Variants in LRMDA observed in about 807,000 individuals in gnomAD.
LRMDA encodes leucine-rich melanocyte differentiation-associated protein.
LRMDA carries 18 observed loss-of-function variants against 29.8 expected under a neutral mutation model. That is an observed-to-expected ratio of 0.60 (90% CI 0.42 to 0.90). LRMDA has a LOEUF of 0.90. Among genes scored for constraint, LRMDA ranks in the 40% least tolerant of loss-of-function variants. The pLI, the probability that LRMDA is intolerant of heterozygous loss-of-function variation, is 0.00. For synonymous variants in LRMDA, 125 were observed against 109.4 expected (o/e 1.14, Z -0.89); for missense variants, 273 against 273.9 (o/e 1.00, Z 0.02).
intron 6 of LRMDA, among the ~76,000 whole-genome samples, chr10:76,482,996 C>T (rs1004010132): frequency 6.6e-5 from 10 of 151,924 alleles, no homozygotes; most frequent in Non-Finnish European, 1.2e-4. Context: ...TGAAGTTGAA[C>T]ACTCTTTCAT....
rs373567909 is a variant in LRMDA at position 76,469,325 on chromosome 10, G to A, written c.602-87884G>A. ...CTGAGATGCAGAAGTTAAGTTCCTG[G>A]TGAGGTCAGCCAAGAAGTCAGAGAC... On this transcript the variant is annotated intron_variant, in intron 6 of 6. Coordinates refer to ENST00000611255, the MANE Select transcript of LRMDA (RefSeq NM_001305581.2). Among the ~76,000 whole-genome samples, 13 of 152,202 alleles carry A rather than the reference G, an allele frequency of 8.5e-5. 1 individual carries two copies. The highest frequency in any genetic ancestry group is 8.3e-4 in the South Asian group (4 of 4,814).
intron 6 of LRMDA, among the ~76,000 whole-genome samples, chr10:76,494,789 G>A (rs558162799): frequency 6.6e-6 from 1 of 151,792 alleles, no homozygotes; most frequent in African/African-American, 2.4e-5. Flanking sequence ...CACAATTTTG[G>A]TATGTTGTAT....
chr10:75,631,321 C>G (rs969959038), intron 2 of LRMDA, among the ~76,000 whole-genome samples: 3 of 152,048 alleles, frequency 2.0e-5, no homozygotes, highest in Admixed American at 2.0e-4. Flanking sequence ...AAAAGAACCC[C>G]AGCTTCTTTT....
chr10:76,214,878 A>G (rs1032612187), intron 5 of LRMDA, among the ~76,000 whole-genome samples: 3 of 152,188 alleles, frequency 2.0e-5, no homozygotes, highest in African/African-American at 2.4e-5. Flanking sequence ...GTTTTCTGCT[A>G]TTGGAGTTGA....
At chr10:76,080,144 ATATAT>A (rs1455639729) in intron 5 of LRMDA, among the ~76,000 whole-genome samples, 4 of 151,854 alleles carry the variant, frequency 2.6e-5, no homozygotes. Context: ...CTTCTAGGGA[ATATAT>A]ATCTCACCTT....
intron 2 of LRMDA, among the ~76,000 whole-genome samples, chr10:75,742,373 A>G (rs1474436931): frequency 6.6e-6 from 1 of 152,184 alleles, no homozygotes; most frequent in Non-Finnish European, 1.5e-5. Flanking sequence ...CAGTTCAACA[A>G]GATGGAGAGA....
intron 5 of LRMDA, among the ~76,000 whole-genome samples, chr10:76,263,442 A>T (rs910116988): frequency 2.0e-5 from 3 of 152,182 alleles, no homozygotes; most frequent in African/African-American, 7.2e-5. Flanking sequence ...TTTGGTGATG[A>T]TTCTACTGAG....
chr10:76,543,872 AC>A (rs1412453883), intron 6 of LRMDA, among the ~76,000 whole-genome samples: 1 of 152,114 alleles, frequency 6.6e-6, no homozygotes, highest in African/African-American at 2.4e-5. Flanking sequence ...CTGGAGGCCT[AC>A]CAATAGTTAC....
intron 6 of LRMDA, among the ~76,000 whole-genome samples, chr10:76,515,042 G>A (rs772630816): frequency 6.6e-6 from 1 of 151,808 alleles, no homozygotes; most frequent in Non-Finnish European, 1.5e-5. Context: ...CAGTTGTATT[G>A]AAAAAAAATG....
At chr10:75,892,156 G>A (rs1998455) in intron 2 of LRMDA, among the ~76,000 whole-genome samples, 115,728 of 152,170 alleles carry the variant, frequency 0.76, 44,273 homozygotes, top group East Asian at 0.98. Context: ...CATATAGTGC[G>A]CTTGCTCGTT....
At position 76,148,169 on chromosome 10, in the gene LRMDA, A is replaced by G. The variant is rs373750575; in HGVS notation, c.516+89386A>G. 3.9e-5 allele frequency among the ~76,000 whole-genome samples: 6 copies of G among 152,282 alleles called. No individual in the cohort carries two copies. In the East Asian group the frequency reaches 9.7e-4, roughly 25 times the overall value. ...GAGGAGGCAGTCTGTCTGTTCTCAG[A>G]TCTCAAGCTGCGTGCTGGGAGAACC... On this transcript the variant is annotated intron_variant, in intron 5 of 6. Coordinates refer to ENST00000611255, the MANE Select transcript of LRMDA (RefSeq NM_001305581.2).
intron 2 of LRMDA, among the ~76,000 whole-genome samples, chr10:75,789,135 T>C (rs185286549): frequency 3.9e-5 from 6 of 152,350 alleles, no homozygotes; most frequent in Middle Eastern, 6.8e-3. Flanking sequence ...ATTCAGACAC[T>C]TCTAGCTGTG....
intron 5 of LRMDA, among the ~76,000 whole-genome samples, chr10:76,223,261 TATAATA>T (rs939984187): frequency 2.6e-5 from 4 of 151,522 alleles, no homozygotes; most frequent in Non-Finnish European, 5.9e-5. Context: ...AAACTTAAAG[TATAATA>T]ATAATAATAA....
rs1023423993 is a variant in LRMDA, at chr10:75,618,690, G to A, written c.131+180196G>A. Among the ~76,000 whole-genome samples the A allele has an allele frequency of 1.6e-4, 24 of 149,060 alleles. No individual in the cohort carries two copies. In the East Asian group the frequency reaches 4.5e-3, roughly 28 times the overall value. ...TAAACAGTAGATTAACATATATTTT[G>A]TATATATATTATATACTGTGTTCTT... On this transcript the variant is annotated intron_variant, in intron 2 of 6. Coordinates refer to ENST00000611255, the MANE Select transcript of LRMDA (RefSeq NM_001305581.2).
At chr10:76,397,711 T>G (rs1247141996) in intron 6 of LRMDA, among the ~76,000 whole-genome samples, 1 of 152,180 alleles carries the variant, frequency 6.6e-6, no homozygotes, top group Non-Finnish European at 1.5e-5. Flanking sequence ...GCGAGCAGAT[T>G]AATCATTTTG....
intron 6 of LRMDA, among the ~76,000 whole-genome samples, chr10:76,446,561 G>GT (rs1403026752): frequency 6.6e-6 from 1 of 152,032 alleles, no homozygotes; most frequent in African/African-American, 2.4e-5. Flanking sequence ...TTGTAACCAT[G>GT]TTTATGTGTT....
chr10:76,179,174 G>A (rs1850994966), intron 5 of LRMDA, among the ~76,000 whole-genome samples: 1 of 152,072 alleles, frequency 6.6e-6, no homozygotes, highest in Admixed American at 6.5e-5. Flanking sequence ...TGGAGTTGAT[G>A]ACTGATTAAA....
intron 2 of LRMDA, among the ~76,000 whole-genome samples, chr10:75,542,083 T>C (rs950722911): frequency 3.3e-5 from 5 of 152,092 alleles, no homozygotes; most frequent in Non-Finnish European, 5.9e-5. Flanking sequence ...AAGAAACTAG[T>C]GAATGAGGGT....
chr10:75,508,632 G>T (rs573210614), intron 2 of LRMDA, among the ~76,000 whole-genome samples: 2 of 152,304 alleles, frequency 1.3e-5, no homozygotes, highest in African/African-American at 4.8e-5. Context: ...ATAGCAATAT[G>T]ACTTTCCTGT....
Sources: gnomAD v4.1 joint callset for allele counts (sites outside exome capture counted in the v4.1 genomes callset) on GRCh38, gnomAD v4.1.1 for gene constraint, MANE v1.5 for transcripts, NCBI Gene and HGNC (gene_info 2026-07-23, HGNC 2026-07-21) for gene names.